Variants in MYSM1 observed in about 807,000 individuals in gnomAD.
The protein encoded by MYSM1 is deubiquitinase MYSM1.
MYSM1 carries 51 observed loss-of-function variants against 116.0 expected under a neutral mutation model. That is an observed-to-expected ratio of 0.44 (90% confidence interval 0.35 to 0.56). MYSM1 has a LOEUF of 0.56. Ranked by LOEUF, MYSM1 falls within the 20% of genes least tolerant of loss-of-function variation. The probability of loss-of-function intolerance (pLI) is 0.00; values close to 1 mark genes in which losing one functional copy is unlikely to be tolerated. For synonymous variants in MYSM1, 313 were observed against 315.2 expected (o/e 0.99, Z 0.07); for missense variants, 900 against 974.9 (o/e 0.92, Z 1.02).
intron 8 of MYSM1, among the ~76,000 whole-genome samples, chr1:58,677,934 A>C (rs992161204): frequency 6.6e-5 from 10 of 152,178 alleles, no homozygotes; most frequent in Non-Finnish European, 1.3e-4. Context: ...TTAGGTATTC[A>C]GATATCTCAT....
At position 58,682,312 on chromosome 1, in the gene MYSM1, A is replaced by G. The variant is rs1644757769; in HGVS notation, c.732T>C (p.Asp244=). The G allele has an allele frequency of 1.2e-6, 2 of 1,613,158 alleles. No individual in the cohort carries two copies. Among genetic ancestry groups the G allele is most frequent in the Admixed American group, 1.7e-5 (1 of 59,920 alleles). Residue 244 remains aspartate (D), a synonymous_variant, in exon 8 of 20, where the codon GAT becomes GAC. Transcript: ENST00000472487. ...SQTPQKNSSS[D]LLLDFPNSKM... ...TACTATTAGGAAAGTCTAACAAGAG[A>G]TCACTGCTAGAATTCTTCTGGGGTG...
Position 58,657,019 on chromosome 1 carries a change from G to A in MYSM1, c.*2978C>T, listed in dbSNP as rs1233009116. 2 of 151,866 alleles carry A rather than the reference G, an allele frequency of 1.3e-5. No homozygotes were observed. The highest frequency in any genetic ancestry group is 1.5e-5 in the Non-Finnish European group (1 of 67,968). The allele number at this position is 151,866 out of a possible 1,614,324, so 9.4% of individuals were successfully genotyped here. ...AATCATAATGCAGCTCTGAATACAGGGTCAAACAAACTGTAACTGAAGCAA... is the reference window on the plus strand; with the variant it reads ...AATCATAATGCAGCTCTGAATACAGAGTCAAACAAACTGTAACTGAAGCAA... On this transcript the variant is annotated 3_prime_UTR_variant, in exon 20 of 20. Transcript: ENST00000472487.
chr1:58,690,284 G>A, intron 4 of MYSM1, 35 bp from the exon 5 acceptor site: 1 of 1,582,314 alleles, frequency 6.3e-7, no homozygotes, highest in Non-Finnish European at 8.6e-7. Flanking sequence ...AAGGAAGCGT[G>A]TGAGGTTTCT....
At chr1:58,662,461 CCT>C (rs1491100648) in intron 17 of MYSM1, among the ~76,000 whole-genome samples, 53,159 of 119,154 alleles carry the variant, frequency 0.45, 9,726 homozygotes, top group East Asian at 0.51. Context: ...TTCACCCCCC[CCT>C]TTTTTTTTTT....
chr1:58,667,911 A>G lies in MYSM1; in HGVS notation c.1778T>C (p.Val593Ala). 6.2e-7 allele frequency: 1 copy of G among 1,612,102 alleles called. No homozygotes were observed. The highest frequency in any genetic ancestry group is 2.2e-5 in the East Asian group (1 of 44,830). The part of the protein sequence containing the change: ...ALLIMDLHAH[V>A]SMAEVIGLLG... The stretch of plus-strand genomic sequence containing the variant: ...CAGACCAATCACTTCTGCCATAGAA[A>G]CATGAGCATGCTAAAAGAAATACAA... Residue 593 changes from valine (V) to alanine (A), a missense_variant, in exon 15 of 20, where the codon GTT (valine) becomes GCT (alanine). By Grantham distance (64) the Val-to-Ala change is moderately conservative. This residue lies in a region of MYSM1 where 92 missense variants were observed against 155.0 expected (regional missense o/e 0.59). Coordinates refer to ENST00000472487, the MANE Select transcript of MYSM1 (RefSeq NM_001085487.3).
chr1:58,699,370 A>C (rs11207296), intron 1 of MYSM1, among the ~76,000 whole-genome samples: 40,807 of 152,092 alleles, frequency 0.27, 5,658 homozygotes, highest in Middle Eastern at 0.37. Flanking sequence ...ATTACATATC[A>C]TGACTCCCAG....
intron 12 of MYSM1, among the ~76,000 whole-genome samples, chr1:58,670,328 T>C (rs1439494326): frequency 1.3e-5 from 2 of 152,224 alleles, no homozygotes; most frequent in Non-Finnish European, 2.9e-5. Flanking sequence ...CTGTCAGTGT[T>C]TGTTGAGGAA....
chr1:58,662,209 A>G (rs977931964), intron 17 of MYSM1, among the ~76,000 whole-genome samples: 2 of 152,122 alleles, frequency 1.3e-5, no homozygotes, highest in Non-Finnish European at 2.9e-5. Flanking sequence ...GAGGAAAGAA[A>G]GAAGCCCAAG....
chr1:58,693,214 C>G (rs1644926938), intron 2 of MYSM1, among the ~76,000 whole-genome samples: 1 of 152,126 alleles, frequency 6.6e-6, no homozygotes, highest in Non-Finnish European at 1.5e-5. Context: ...AGGTAATAAT[C>G]GCCATTCAAA....
intron 11 of MYSM1, among the ~76,000 whole-genome samples, chr1:58,672,595 C>T (rs536583790): frequency 1.4e-4 from 21 of 152,118 alleles, no homozygotes; most frequent in Non-Finnish European, 2.6e-4. Context: ...TCCATTTCTA[C>T]GACCAACTTA....
At chr1:58,677,130 A>C in intron 8 of MYSM1, 74 bp from the exon 9 acceptor site, 1 of 1,278,786 alleles carries the variant, frequency 7.8e-7, no homozygotes, top group South Asian at 1.3e-5. Flanking sequence ...GAAAACTTTC[A>C]ATATTTGAAA....
At chr1:58,672,964 A>G (rs568320) in intron 11 of MYSM1, among the ~76,000 whole-genome samples, 8,822 of 152,238 alleles carry the variant, frequency 0.058, 798 homozygotes, top group African/African-American at 0.2. Context: ...CTCAAGTTTG[A>G]GTACTTTGTG....
intron 16 of MYSM1, among the ~76,000 whole-genome samples, chr1:58,666,508 T>C (rs1644471292): frequency 7.1e-6 from 1 of 140,192 alleles, no homozygotes; most frequent in Admixed American, 7.3e-5. Flanking sequence ...ACATAAACAA[T>C]TATCAATCTT....
Position 58,654,947 on chromosome 1 carries a change from C to T in MYSM1, c.*5050G>A, listed in dbSNP as rs890760758. 2.6e-5 allele frequency: 4 copies of T among 152,142 alleles called. No individual in the cohort carries two copies. The highest frequency in any genetic ancestry group is 9.6e-5 in the African/African-American group (4 of 41,546). The allele number at this position is 152,142 out of a possible 1,614,324, so 9.4% of individuals were successfully genotyped here. ...TTAAATACAGACATATACAACATGG[C>T]ATATTTAAATGTACAAAATAGTTGA... On this transcript the variant is annotated 3_prime_UTR_variant, in exon 20 of 20. Transcript: ENST00000472487.
intron 6 of MYSM1, among the ~76,000 whole-genome samples, chr1:58,687,995 A>T (rs1476433752): frequency 6.6e-6 from 1 of 152,100 alleles, no homozygotes; most frequent in Non-Finnish European, 1.5e-5. Flanking sequence ...AACATTATGT[A>T]TCTGGTCTTT....
At chr1:58,699,494 C>G (rs1018488571) in intron 1 of MYSM1, 3 of 361,512 alleles carry the variant, frequency 8.3e-6, no homozygotes, top group African/African-American at 6.6e-5. Context: ...CTGTCCAACT[C>G]TAAAACCTGG....
intron 9 of MYSM1, among the ~76,000 whole-genome samples, chr1:58,676,488 T>C (rs1644654881): frequency 2.6e-5 from 4 of 152,036 alleles, no homozygotes; most frequent in African/African-American, 2.4e-5. Context: ...TAAGGTACAA[T>C]TGTCTTCCAC....
intron 19 of MYSM1, among the ~76,000 whole-genome samples, 179 bp downstream of exon 19, chr1:58,660,991 T>C (rs1040389269): frequency 6.6e-6 from 1 of 152,094 alleles, no homozygotes; most frequent in South Asian, 2.1e-4. Flanking sequence ...ATGTGCAAGC[T>C]TGGGCAACAA....
Position 58,661,677 on chromosome 1 carries a change from A to AT in MYSM1, c.2165-167dup, listed in dbSNP as rs559254563. Among the ~76,000 whole-genome samples, 27 of 152,238 alleles carry AT rather than the reference A, an allele frequency of 1.8e-4. No homozygotes were observed. In the South Asian group the frequency reaches 5.6e-3, roughly 32 times the overall value. On this transcript the variant is annotated intron_variant, in intron 17 of 19. Coordinates refer to ENST00000472487, the MANE Select transcript of MYSM1 (RefSeq NM_001085487.3). ...GCATTCATTAAATATTTATTGCCCG[A>AT]TTGTACTTGGTCCACTAAGCATATT...
Sources: allele counts gnomAD v4.1 joint callset (sites outside exome capture counted in the v4.1 genomes callset), GRCh38; gene constraint gnomAD v4.1.1; regional missense constraint gnomAD v4.1.1; transcripts MANE v1.5; gene names NCBI Gene and HGNC (gene_info 2026-07-23, HGNC 2026-07-21).